Variants in TRIM74 observed in about 807,000 individuals in gnomAD.
TRIM74 encodes tripartite motif-containing protein 74.
A neutral mutation model predicts 14.5 loss-of-function variants in TRIM74; 3 were observed. The ratio of observed to expected loss-of-function variants is 0.21; its 90% CI spans 0.09 to 0.53. The LOEUF is 0.53. Ranked by LOEUF, TRIM74 falls within the 20% of genes least tolerant of loss-of-function variation. The pLI, the probability that TRIM74 is intolerant of heterozygous loss-of-function variation, is 0.95. For missense variants in TRIM74, 26 were observed against 174.0 expected, an observed-to-expected ratio of 0.15 and a Z score of 4.79; for synonymous variants, 10 against 71.3, an observed-to-expected ratio of 0.14 and a Z score of 4.33.
At chr7:72,954,953 T>A, downstream of TRIM74, 4 of 598,360 alleles carry the variant, frequency 6.7e-6, no homozygotes, top group Non-Finnish European at 1.2e-5. Context: ...CTCCAGTTCT[T>A]CAGTCTTTGT....
At chr7:72,963,333 A>T (rs1798211932) in intron 2 of TRIM74, among the ~76,000 whole-genome samples, 2 of 151,072 alleles carry the variant, frequency 1.3e-5, no homozygotes, top group Non-Finnish European at 1.5e-5. Context: ...CTGGAGAATG[A>T]GGCATCAGAA....
chr7:72,966,918 G>A (rs1186190517), intron 1 of TRIM74: 3 of 140,882 alleles, frequency 2.1e-5, no homozygotes, highest in Admixed American at 1.5e-4. Context: ...GGAACAGCAG[G>A]CACAGAGTCA....
At chr7:72,954,981 A>G, downstream of TRIM74, 1 of 583,678 alleles carries the variant, frequency 1.7e-6, no homozygotes, top group East Asian at 2.9e-5. Context: ...ATGGATAAAT[A>G]ATGGGATTTT....
At chr7:72,955,379 G>A (rs1252873874), downstream of TRIM74, among the ~76,000 whole-genome samples, 27 of 130,570 alleles carry the variant, frequency 2.1e-4, no homozygotes, top group Admixed American at 2.1e-3. Flanking sequence ...TTACAGGCGT[G>A]AGCCCCCACG....
downstream of TRIM74, chr7:72,955,061 T>C: frequency 1.5e-6 from 1 of 647,928 alleles, no homozygotes; most frequent in Non-Finnish European, 2.8e-6. Flanking sequence ...TATATATATG[T>C]GTGTGTGTAT....
chr7:72,966,269 T>G (rs1798268730), intron 1 of TRIM74, 94 bp from the exon 2 acceptor site: 1 of 268,544 alleles, frequency 3.7e-6, no homozygotes, highest in Non-Finnish European at 5.5e-6. Context: ...CACCAGAATT[T>G]TATAAGAAAC....
chr7:72,955,111 A>ATATATATATATATATATTTT (rs1346659193), downstream of TRIM74: 3 of 112,052 alleles, frequency 2.7e-5, no homozygotes, highest in African/African-American at 1.2e-4. Flanking sequence ...ATATATATAT[A>ATATATATATATATATATTTT]TTTTTTTTTT....
At chr7:72,954,889 G>T, downstream of TRIM74, 1 of 542,470 alleles carries the variant, frequency 1.8e-6, no homozygotes. Flanking sequence ...GACGCTGCGG[G>T]CGCACCTGCT....
downstream of TRIM74, among the ~76,000 whole-genome samples, chr7:72,955,239 G>C (rs1586209380): frequency 8.4e-6 from 1 of 119,032 alleles, no homozygotes; most frequent in Non-Finnish European, 1.7e-5. Flanking sequence ...TAGGACTACA[G>C]GCCCGTGCCA....
At chr7:72,955,523 G>A (rs1798079041), downstream of TRIM74, among the ~76,000 whole-genome samples, 1 of 147,582 alleles carries the variant, frequency 6.8e-6, no homozygotes, top group African/African-American at 2.6e-5. Context: ...CCACAATGTG[G>A]TTCATGATAC....
intron 1 of TRIM74, among the ~76,000 whole-genome samples, chr7:72,966,384 C>A: frequency 7.6e-6 from 1 of 131,470 alleles, no homozygotes; most frequent in East Asian, 2.0e-4. Context: ...CTTGAAGATA[C>A]GTGTGTGTGT....
downstream of TRIM74, among the ~76,000 whole-genome samples, chr7:72,955,579 G>A (rs1315370903): frequency 2.0e-5 from 3 of 150,818 alleles, no homozygotes; most frequent in Non-Finnish European, 4.4e-5. Flanking sequence ...CCAGAGCCAA[G>A]CAAGAAAGCA....
At chr7:72,955,111 A>ATATTTTTTTT (rs1346659193), downstream of TRIM74, 1 of 112,068 alleles carries the variant, frequency 8.9e-6, no homozygotes, top group African/African-American at 4.1e-5. Flanking sequence ...ATATATATAT[A>ATATTTTTTTT]TTTTTTTTTT....
chr7:72,962,756 A>G (rs1410099926), intron 2 of TRIM74, among the ~76,000 whole-genome samples: 3 of 104,314 alleles, frequency 2.9e-5, no homozygotes, highest in Non-Finnish European at 5.7e-5. Context: ...TCTCGATGTC[A>G]CCCCTGTGCA....
rs1314062525 is a variant in TRIM74 at position 72,967,414 on chromosome 7, T to C, written c.-18-1239A>G. Among the ~76,000 whole-genome samples, 354 of 152,272 alleles carry C rather than the reference T, an allele frequency of 2.3e-3. 1 individual carries two copies. The highest frequency in any genetic ancestry group is 8.5e-3 in the East Asian group (44 of 5,176). On this transcript the variant is annotated intron_variant, in intron 1 of 4. Coordinates refer to ENST00000285805, the MANE Select transcript of TRIM74 (RefSeq NM_198853.3). Reference sequence around the variant, plus strand: ...CTGGGACTACAGGCACGTGCCACCATGCCAAGCTAATTTTTAAAATTTTTT... The same window carrying C: ...CTGGGACTACAGGCACGTGCCACCACGCCAAGCTAATTTTTAAAATTTTTT...
chr7:72,955,087 G>GTATATA (rs56757405), downstream of TRIM74: 32 of 301,838 alleles, frequency 1.1e-4, no homozygotes, highest in African/African-American at 5.4e-4. Context: ...GTGTATGTGT[G>GTATATA]TATATATATA....
chr7:72,955,111 A>AT (rs59028605), downstream of TRIM74: 509 of 112,950 alleles, frequency 4.5e-3, 9 homozygotes, highest in East Asian at 0.015. Flanking sequence ...ATATATATAT[A>AT]TTTTTTTTTT....
intron 1 of TRIM74, chr7:72,966,793 A>G (rs1221937476): frequency 1.2e-5 from 1 of 84,366 alleles, no homozygotes; most frequent in Non-Finnish European, 2.4e-5. Context: ...AGACAGAAGA[A>G]GCACCAGAAG....
At chr7:72,966,684 C>T (rs1224172922) in intron 1 of TRIM74, 2 of 69,920 alleles carry the variant, frequency 2.9e-5, no homozygotes, top group African/African-American at 9.9e-5. Context: ...CAGAACTCTA[C>T]ACTTATAGGT....
Sources: allele counts gnomAD v4.1 joint callset (sites outside exome capture counted in the v4.1 genomes callset), GRCh38; gene constraint gnomAD v4.1.1; transcripts MANE v1.5; gene names NCBI Gene and HGNC (gene_info 2026-07-23, HGNC 2026-07-21).